The following CPNE4 variants were observed in gnomAD, a reference collection of about 807,000 sequenced individuals.
CPNE4 encodes copine 4.
CPNE4 carries 25 observed loss-of-function variants against 67.9 expected under a neutral mutation model. The ratio of observed to expected loss-of-function variants is 0.37; its 90% CI spans 0.27 to 0.51. The LOEUF (loss-of-function observed/expected upper bound fraction) is 0.51, where lower values mean the gene tolerates loss of function less well. Ranked by LOEUF, CPNE4 falls within the 20% of genes least tolerant of loss-of-function variation. The pLI, the probability that CPNE4 is intolerant of heterozygous loss-of-function variation, is 0.93. For missense variants in CPNE4, 464 were observed against 690.8 expected (o/e 0.67, Z 3.68); for synonymous variants, 242 against 244.9 (o/e 0.99, Z 0.11).
chr3:131,644,423 A>C (rs1286572079), intron 7 of CPNE4, among the ~76,000 whole-genome samples: 2 of 152,214 alleles, frequency 1.3e-5, no homozygotes, highest in East Asian at 3.8e-4. Context: ...CTGGGATTAT[A>C]GGTGTGAGCC....
At chr3:131,731,004 A>G (rs1361450651) in intron 2 of CPNE4, among the ~76,000 whole-genome samples, 2 of 152,210 alleles carry the variant, frequency 1.3e-5, no homozygotes, top group Non-Finnish European at 2.9e-5. Context: ...ATATCTCCAA[A>G]AAAGCACTCT....
intron 7 of CPNE4, among the ~76,000 whole-genome samples, chr3:131,650,643 G>A (rs1330148532): frequency 6.7e-6 from 1 of 148,352 alleles, no homozygotes; most frequent in Non-Finnish European, 1.5e-5. Context: ...TACTCGGGAG[G>A]CTGAGGCAGG....
At chr3:131,637,629 T>C (rs1483826110) in intron 7 of CPNE4, among the ~76,000 whole-genome samples, 2 of 152,204 alleles carry the variant, frequency 1.3e-5, no homozygotes, top group African/African-American at 2.4e-5. Flanking sequence ...GAGGGAATAA[T>C]TGAGAAAAAT....
chr3:131,568,197 C>T (rs1937157713), intron 10 of CPNE4, among the ~76,000 whole-genome samples: 2 of 151,946 alleles, frequency 1.3e-5, no homozygotes, highest in African/African-American at 4.8e-5. Context: ...AAAATATTTT[C>T]ATTTTTATTT....
At chr3:131,717,928 T>TTTCTTTCTTTCTC (rs1560173640) in intron 3 of CPNE4, among the ~76,000 whole-genome samples, 2 of 146,378 alleles carry the variant, frequency 1.4e-5, no homozygotes, top group Admixed American at 1.4e-4. Context: ...CTTTCTTTCT[T>TTTCTTTCTTTCTC]TCTTTCTTTC....
chr3:131,681,951 C>A (rs988229534), intron 6 of CPNE4, among the ~76,000 whole-genome samples: 12 of 151,948 alleles, frequency 7.9e-5, no homozygotes, highest in African/African-American at 2.9e-4. Context: ...TTGCATTTTT[C>A]AACTCCAGAA....
chr3:132,007,544 G>A (rs1281467915), intron 1 of CPNE4, among the ~76,000 whole-genome samples: 1 of 152,080 alleles, frequency 6.6e-6, no homozygotes, highest in Non-Finnish European at 1.5e-5. Context: ...CGTGTAAGTT[G>A]CACGTTGACT....
At chr3:131,890,350 T>A (rs1254061700) in intron 2 of CPNE4, among the ~76,000 whole-genome samples, 1 of 151,306 alleles carries the variant, frequency 6.6e-6, no homozygotes, top group Non-Finnish European at 1.5e-5. Context: ...TTAACATCAC[T>A]CATCAGCAAG....
At chr3:131,678,176 ACT>A (rs2080637205) in intron 6 of CPNE4, among the ~76,000 whole-genome samples, 1 of 147,010 alleles carries the variant, frequency 6.8e-6, no homozygotes, top group South Asian at 2.2e-4. Flanking sequence ...TAGGCATGTC[ACT>A]CTTTTTTTTT....
intron 1 of CPNE4, among the ~76,000 whole-genome samples, chr3:131,971,966 G>A (rs570017143): frequency 4.7e-4 from 71 of 152,280 alleles, no homozygotes; most frequent in African/African-American, 1.7e-3. Context: ...GCACTTGGTA[G>A]GTGTTTAATG....
chr3:131,718,361 T>C (rs1322724364), intron 3 of CPNE4, among the ~76,000 whole-genome samples: 3 of 152,184 alleles, frequency 2.0e-5, no homozygotes, highest in Non-Finnish European at 1.5e-5. Flanking sequence ...GTCCAGTCTC[T>C]CTAAAGTTTA....
intron 1 of CPNE4, among the ~76,000 whole-genome samples, chr3:131,915,755 G>C (rs1350627773): frequency 6.6e-6 from 1 of 152,218 alleles, no homozygotes; most frequent in East Asian, 1.9e-4. Context: ...AAATCTAGCA[G>C]AAATCTCATT....
At chr3:131,804,342 T>TA (rs1334826775) in intron 2 of CPNE4, among the ~76,000 whole-genome samples, 1 of 152,056 alleles carries the variant, frequency 6.6e-6, no homozygotes, top group African/African-American at 2.4e-5. Context: ...TGGCAAGTAT[T>TA]AAAAAATACA....
intron 7 of CPNE4, among the ~76,000 whole-genome samples, chr3:131,605,719 T>C (rs1162235823): frequency 2.6e-5 from 4 of 152,176 alleles, no homozygotes; most frequent in Admixed American, 6.5e-5. Context: ...ATTATAAAGA[T>C]ATTAAGGAAG....
At chr3:131,773,644 G>A (rs2107838105) in intron 2 of CPNE4, among the ~76,000 whole-genome samples, 1 of 152,048 alleles carries the variant, frequency 6.6e-6, no homozygotes, top group African/African-American at 2.4e-5. Flanking sequence ...CACTGCTCCT[G>A]GCCAAGGAAG....
chr3:131,844,632 G>A (rs1170557683), intron 2 of CPNE4, among the ~76,000 whole-genome samples: 1 of 152,054 alleles, frequency 6.6e-6, no homozygotes, highest in African/African-American at 2.4e-5. Context: ...TGAGCTCCTT[G>A]AAGCTAAATT....
Position 131,905,256 on chromosome 3 carries a change from A to G in CPNE4, c.180+8T>C, listed in dbSNP as rs2088699836. ...CATGGTTCTGTCCATTTCATTGGAC[A>G]TGCCTACCTCAAACCACTGCCCATG... is the stretch of plus-strand genomic sequence containing the variant. On this transcript the variant is annotated splice_region_variant and intron_variant, in intron 2 of 15. Coordinates refer to ENST00000429747, the MANE Select transcript of CPNE4 (RefSeq NM_130808.3). 3 of 1,607,128 alleles carry G rather than the reference A, an allele frequency of 1.9e-6. No individual in the cohort carries two copies. The highest frequency in any genetic ancestry group is 2.6e-6 in the Non-Finnish European group (3 of 1,175,684).
At chr3:131,872,161 C>T (rs566560294) in intron 2 of CPNE4, among the ~76,000 whole-genome samples, 7 of 150,912 alleles carry the variant, frequency 4.6e-5, no homozygotes, top group African/African-American at 1.7e-4. Flanking sequence ...AGGATGTATG[C>T]GTGTGTATGC....
intron 2 of CPNE4, among the ~76,000 whole-genome samples, chr3:131,822,036 C>A (rs2084980073): frequency 6.6e-6 from 1 of 152,178 alleles, no homozygotes. Flanking sequence ...AGATTGCTTA[C>A]ATATACTCCT....
Sources: allele counts gnomAD v4.1 joint callset (sites outside exome capture counted in the v4.1 genomes callset), GRCh38; gene constraint gnomAD v4.1.1; transcripts MANE v1.5; gene names NCBI Gene and HGNC (gene_info 2026-07-23, HGNC 2026-07-21).